The following CHL1 variants were observed in gnomAD, a reference collection of about 807,000 sequenced individuals.
CHL1 encodes cell adhesion molecule L1 like, also known as neural cell adhesion molecule L1-like protein.
Under a neutral mutation model 141.9 loss-of-function variants are expected in CHL1, and 96 were observed. The ratio of observed to expected loss-of-function variants is 0.68; its 90% CI spans 0.57 to 0.80. The LOEUF (loss-of-function observed/expected upper bound fraction) is 0.80, where lower values mean the gene tolerates loss of function less well. CHL1 is among the 30% of genes least tolerant of loss of function. The probability of loss-of-function intolerance (pLI) is 0.00; values close to 1 mark genes in which losing one functional copy is unlikely to be tolerated. For synonymous variants in CHL1, 613 were observed against 502.2 expected (o/e 1.22, Z -2.95); for missense variants, 1,820 against 1,457.2 (o/e 1.25, Z -4.05).
chr3:273,303 C>A (rs1308365504), intron 2 of CHL1, among the ~76,000 whole-genome samples: 1 of 152,154 alleles, frequency 6.6e-6, no homozygotes, highest in Non-Finnish European at 1.5e-5. Flanking sequence ...TTATTGCACC[C>A]TTGGGAAGTG....
chr3:230,205 G>A (rs1032112286), intron 1 of CHL1, among the ~76,000 whole-genome samples: 2 of 152,178 alleles, frequency 1.3e-5, no homozygotes, highest in Non-Finnish European at 2.9e-5. Context: ...ATAATGAAGA[G>A]AAGAAAACAT....
rs996561495 is a variant in CHL1, at chr3:242,527, C to T, written c.-174-2086C>T. Among the ~76,000 whole-genome samples the T allele has an allele frequency of 1.3e-4, 20 of 152,024 alleles. No homozygotes were observed. In the South Asian group the frequency reaches 1.9e-3, roughly 14 times the overall value. ...AGGAGAATGGCTTGAACCAGGGAGG[C>T]AGAGCTTGCAGTGAGCCGAGATTGT... On this transcript the variant is annotated intron_variant, in intron 1 of 27. Transcript: ENST00000256509.
intron 2 of CHL1, among the ~76,000 whole-genome samples, chr3:307,659 T>G (rs544361795): frequency 6.6e-6 from 1 of 152,148 alleles, no homozygotes; most frequent in Non-Finnish European, 1.5e-5. Context: ...TATACAACAC[T>G]ACTTGTTTTT....
chr3:396,630 C>T (rs1691092476), intron 24 of CHL1, among the ~76,000 whole-genome samples: 1 of 152,096 alleles, frequency 6.6e-6, no homozygotes, highest in African/African-American at 2.4e-5. Context: ...TAATGTGCTG[C>T]ATGTCTTAAA....
rs139812490 is a variant in CHL1 at position 377,301 on chromosome 3, A to G, written c.1752-517A>G. ...ATGCTTCAATTGCTATCTGATCTTA[A>G]TGTGCATTGTACTTGGGAGTGGAGG... On this transcript the variant is annotated intron_variant, in intron 15 of 27. Transcript: ENST00000256509. Among the ~76,000 whole-genome samples the G allele has an allele frequency of 3.0e-4, 45 of 152,320 alleles. No individual in the cohort carries two copies. The East Asian group carries it at 7.9e-3, about 27-fold the overall frequency.
At chr3:256,187 G>T (rs1049376315) in intron 2 of CHL1, among the ~76,000 whole-genome samples, 1 of 150,126 alleles carries the variant, frequency 6.7e-6, no homozygotes, top group Non-Finnish European at 1.5e-5. Flanking sequence ...AAACATGAAA[G>T]TGAAACAATA....
chr3:330,278 T>C (rs1223047467), intron 5 of CHL1, among the ~76,000 whole-genome samples: 1 of 152,104 alleles, frequency 6.6e-6, no homozygotes, highest in Non-Finnish European at 1.5e-5. Context: ...AGAATATATT[T>C]TGAAGTGATG....
At chr3:277,203 T>A (rs465541) in intron 2 of CHL1, among the ~76,000 whole-genome samples, 18,365 of 152,104 alleles carry the variant, frequency 0.12, 1,398 homozygotes, top group African/African-American at 0.22. Flanking sequence ...AGATTTTTTT[T>A]AAAAAATTAT....
At chr3:276,838 G>A (rs568776725) in intron 2 of CHL1, among the ~76,000 whole-genome samples, 5 of 141,464 alleles carry the variant, frequency 3.5e-5, no homozygotes, top group South Asian at 2.3e-4. Flanking sequence ...GCAGAGAGCC[G>A]AGATCATGCC....
At chr3:219,731 A>C (rs967076944) in intron 1 of CHL1, among the ~76,000 whole-genome samples, 6 of 152,222 alleles carry the variant, frequency 3.9e-5, no homozygotes, top group Non-Finnish European at 5.9e-5. Flanking sequence ...GGATCAGAAA[A>C]ATTAACTAAT....
intron 2 of CHL1, among the ~76,000 whole-genome samples, chr3:275,671 A>C (rs543751606): frequency 6.6e-6 from 1 of 152,214 alleles, no homozygotes; most frequent in Admixed American, 6.5e-5. Flanking sequence ...CCAAGAGTCT[A>C]ACTTCATATA....
intron 2 of CHL1, among the ~76,000 whole-genome samples, chr3:300,706 T>G (rs529470901): frequency 6.6e-6 from 1 of 152,188 alleles, no homozygotes; most frequent in Admixed American, 6.5e-5. Context: ...GACATTACAC[T>G]AGTGAATGTA....
At chr3:267,210 G>C (rs1257673196) in intron 2 of CHL1, among the ~76,000 whole-genome samples, 1 of 152,066 alleles carries the variant, frequency 6.6e-6, no homozygotes, top group African/African-American at 2.4e-5. Context: ...TGTCATTTTT[G>C]TTAAGCAGCT....
chr3:328,275 C>T lies in CHL1; in HGVS notation c.306C>T (p.His102=), dbSNP rs937808142. ...TCCCAAACGAGGGGCACATATCTCACTTTCAAGGGAAATACCGCTGCTTTG... is the reference window on the plus strand; with the variant it reads ...TCCCAAACGAGGGGCACATATCTCATTTTCAAGGGAAATACCGCTGCTTTG... The part of the protein sequence containing the change: ...FRIPNEGHIS[H]FQGKYRCFAS... Residue 102 remains histidine (H), a synonymous_variant, in exon 5 of 28, where the codon CAC becomes CAT. Coordinates refer to ENST00000256509, the MANE Select transcript of CHL1 (RefSeq NM_006614.4). 5.0e-6 allele frequency: 8 copies of T among 1,612,654 alleles called. No homozygotes were observed. Among genetic ancestry groups the T allele is most frequent in the Non-Finnish European group, 6.8e-6 (8 of 1,179,092 alleles).
At chr3:325,242 A>G (rs994304966) in intron 3 of CHL1, among the ~76,000 whole-genome samples, 1 of 151,658 alleles carries the variant, frequency 6.6e-6, no homozygotes, top group African/African-American at 2.4e-5. Flanking sequence ...CTATTTTATT[A>G]TTTTGAAATG....
At chr3:205,493 G>C (rs1337752363) in intron 1 of CHL1, among the ~76,000 whole-genome samples, 2 of 152,144 alleles carry the variant, frequency 1.3e-5, no homozygotes, top group Admixed American at 6.5e-5. Context: ...TAGAGTCACC[G>C]TATAAACTGA....
At chr3:289,130 T>C (rs1308982951) in intron 2 of CHL1, among the ~76,000 whole-genome samples, 1 of 152,236 alleles carries the variant, frequency 6.6e-6, no homozygotes, top group East Asian at 1.9e-4. Flanking sequence ...TTTGCTTTAA[T>C]TTCTTAGTTT....
intron 2 of CHL1, among the ~76,000 whole-genome samples, chr3:315,234 A>G (rs1416236700): frequency 6.6e-6 from 1 of 152,160 alleles, no homozygotes. Flanking sequence ...AGCAGCAACT[A>G]TCACCCCAGT....
Position 353,171 on chromosome 3 carries a change from A to G in CHL1, c.1034-1469A>G, listed in dbSNP as rs957927485. Reference sequence around the variant, plus strand: ...TAGTAAATATCCTAATGGCAATAGTAATTATTCAAGAAGATTTACAGAAAT... The same window carrying G: ...TAGTAAATATCCTAATGGCAATAGTGATTATTCAAGAAGATTTACAGAAAT... On this transcript the variant is annotated intron_variant, in intron 10 of 27. Coordinates refer to ENST00000256509, the MANE Select transcript of CHL1 (RefSeq NM_006614.4). Among the ~76,000 whole-genome samples, 17 of 152,180 alleles carry G rather than the reference A, an allele frequency of 1.1e-4. No homozygotes were observed. The East Asian group carries it at 3.3e-3, about 29-fold the overall frequency.
Sources: allele counts gnomAD v4.1 joint callset (sites outside exome capture counted in the v4.1 genomes callset), GRCh38; gene constraint gnomAD v4.1.1; transcripts MANE v1.5; gene names NCBI Gene and HGNC (gene_info 2026-07-23, HGNC 2026-07-21).